Variants in AFF2 observed in about 807,000 individuals in gnomAD.
The protein encoded by AFF2 is ALF transcription elongation factor 2, also known as AF4/FMR2 family member 2.
In AFF2, 14 loss-of-function variants were observed where a neutral mutation model predicts 76.9. That is an observed-to-expected ratio of 0.18 (90% CI 0.12 to 0.28). The LOEUF (loss-of-function observed/expected upper bound fraction) is 0.28. AFF2 is among the 10% of genes least tolerant of loss of function. The pLI, the probability that AFF2 is intolerant of heterozygous loss-of-function variation, is 1.00. For synonymous variants in AFF2, 398 were observed against 366.7 expected (o/e 1.09, Z -0.98); for missense variants, 868 against 1,001.1 (o/e 0.87, Z 1.79).
intron 4 of AFF2, among the ~76,000 whole-genome samples, chrX:148,836,295 C>T (rs2070524399): frequency 8.9e-6 from 1 of 111,970 alleles, no homozygotes; most frequent in African/African-American, 3.2e-5. Context: ...CAGAATAATA[C>T]TTACAAATTC....
chrX:148,860,648 C>T (rs782601967), intron 7 of AFF2, among the ~76,000 whole-genome samples: 1 of 112,128 alleles, frequency 8.9e-6, no homozygotes, highest in African/African-American at 3.2e-5. Flanking sequence ...AGTGTGCTGG[C>T]TGGCTTTGCT....
At chrX:148,935,396 T>TACAC (rs3831670) in intron 9 of AFF2, among the ~76,000 whole-genome samples, 1,567 of 102,468 alleles carry the variant, frequency 0.015, 17 homozygotes, top group Middle Eastern at 0.035. Flanking sequence ...CATTTGAAAC[T>TACAC]ACACACACAC....
At chrX:148,870,567 T>C (rs147193036) in intron 7 of AFF2, among the ~76,000 whole-genome samples, 141 of 112,074 alleles carry the variant, frequency 1.3e-3, no homozygotes, top group Middle Eastern at 4.6e-3. Context: ...ATCAGGCTGT[T>C]GTTCCACATT....
At chrX:148,961,285 CT>C (rs782096775) in intron 12 of AFF2, among the ~76,000 whole-genome samples, 1 of 111,950 alleles carries the variant, frequency 8.9e-6, no homozygotes, top group South Asian at 3.8e-4. Flanking sequence ...TCCCAAAGGC[CT>C]GGTGCCTTTG....
At chrX:148,580,515 TC>T (rs1250334229) in intron 1 of AFF2, among the ~76,000 whole-genome samples, 1 of 111,284 alleles carries the variant, frequency 9.0e-6, no homozygotes, top group East Asian at 2.8e-4. Flanking sequence ...AGAAAATGTG[TC>T]TAGATCAGGA....
chrX:148,710,014 T>C (rs2054944580), intron 3 of AFF2, among the ~76,000 whole-genome samples: 1 of 111,839 alleles, frequency 8.9e-6, no homozygotes, highest in Non-Finnish European at 1.9e-5. Flanking sequence ...CACTTAATGA[T>C]GATGATCACA....
chrX:148,563,632 C>T (rs1029914695), intron 1 of AFF2, among the ~76,000 whole-genome samples: 1 of 111,972 alleles, frequency 8.9e-6, no homozygotes, highest in Admixed American at 9.5e-5. Flanking sequence ...CTCGGACAGT[C>T]CATTGAGATG....
intron 9 of AFF2, among the ~76,000 whole-genome samples, chrX:148,935,489 A>G (rs2071764356): frequency 9.0e-6 from 1 of 110,980 alleles, no homozygotes. Context: ...CCTTTTCTAT[A>G]TCAGTAGCTC....
chrX:148,890,812 T>A (rs1484782055), intron 8 of AFF2, among the ~76,000 whole-genome samples: 2 of 112,325 alleles, frequency 1.8e-5, no homozygotes, highest in Non-Finnish European at 3.8e-5. Flanking sequence ...GATGCTATAC[T>A]CACCTTGGCT....
At chrX:148,826,811 C>G (rs1331264436) in intron 4 of AFF2, among the ~76,000 whole-genome samples, 1 of 111,161 alleles carries the variant, frequency 9.0e-6, no homozygotes, top group Non-Finnish European at 1.9e-5. Context: ...AAATACTCAA[C>G]CTATTAGGGG....
chrX:148,875,961 T>C, intron 7 of AFF2, among the ~76,000 whole-genome samples: 1 of 112,067 alleles, frequency 8.9e-6, no homozygotes, highest in Non-Finnish European at 1.9e-5. Context: ...GATATAGTAA[T>C]ATTAAAAAGG....
intron 2 of AFF2, 69 bp from the exon 3 acceptor site, chrX:148,661,839 A>G: frequency 9.6e-7 from 1 of 1,039,869 alleles, no homozygotes; most frequent in South Asian, 2.3e-5. Flanking sequence ...TCTGTTTGAA[A>G]CATTAACATT....
intron 3 of AFF2, among the ~76,000 whole-genome samples, chrX:148,717,213 T>C (rs1045911656): frequency 1.8e-5 from 2 of 112,042 alleles, no homozygotes; most frequent in African/African-American, 6.5e-5. Flanking sequence ...ATCCATACAG[T>C]GGAATATTAT....
At chrX:148,715,365 C>T (rs1369597521) in intron 3 of AFF2, among the ~76,000 whole-genome samples, 2 of 111,554 alleles carry the variant, frequency 1.8e-5, no homozygotes, top group Admixed American at 1.9e-4. Context: ...GCAAGTAATA[C>T]ATCAAGAAAG....
At position 148,802,977 on chromosome X, in the gene AFF2, A is replaced by G. The variant is rs191992850; in HGVS notation, c.1042-6899A>G. 9.9e-4 allele frequency among the ~76,000 whole-genome samples: 110 copies of G among 111,655 alleles called. 1 individual carries two copies. The highest frequency in any genetic ancestry group is 1.3e-3 in the Non-Finnish European group (68 of 53,161). On this transcript the variant is annotated intron_variant, in intron 3 of 20. Coordinates refer to ENST00000370460, the MANE Select transcript of AFF2 (RefSeq NM_002025.4). ...TTCTCTTTTATTATGAGAGATTATT[A>G]TGCACCTGCACACAAGACAGTCATT...
At chrX:148,685,657 G>A (rs1403761862) in intron 3 of AFF2, among the ~76,000 whole-genome samples, 5 of 111,023 alleles carry the variant, frequency 4.5e-5, no homozygotes, top group Non-Finnish European at 3.8e-5. Context: ...ATTGTAGATA[G>A]GAACCATTTA....
chrX:148,692,506 G>A (rs1024190122), intron 3 of AFF2, among the ~76,000 whole-genome samples: 1 of 111,766 alleles, frequency 8.9e-6, no homozygotes, highest in East Asian at 2.8e-4. Flanking sequence ...TTATGTTTTT[G>A]TTCAGAAAAG....
At chrX:148,554,566 A>C (rs1471275105) in intron 1 of AFF2, among the ~76,000 whole-genome samples, 2 of 112,290 alleles carry the variant, frequency 1.8e-5, no homozygotes, top group African/African-American at 6.5e-5. Context: ...ATCTTCAATA[A>C]GTTTTCCAAT....
intron 3 of AFF2, among the ~76,000 whole-genome samples, chrX:148,806,584 G>C (rs1269837951): frequency 1.8e-5 from 2 of 112,003 alleles, no homozygotes; most frequent in African/African-American, 3.2e-5. Context: ...TGCCTCCAGT[G>C]TCTTTAAATC....
Sources: gnomAD v4.1 joint callset for allele counts (sites outside exome capture counted in the v4.1 genomes callset) on GRCh38, gnomAD v4.1.1 for gene constraint, MANE v1.5 for transcripts, NCBI Gene and HGNC (gene_info 2026-07-23, HGNC 2026-07-21) for gene names.